Variants in DHX34 observed in about 807,000 individuals in gnomAD.
The protein encoded by DHX34 is DExH-box helicase 34.
A neutral mutation model predicts 111.1 loss-of-function variants in DHX34; 96 were observed. That is an observed-to-expected ratio of 0.86 (90% CI 0.73 to 1.02). The LOEUF is 1.02. Ranked by LOEUF, DHX34 falls within the 50% of genes least tolerant of loss-of-function variation. DHX34 has a pLI of 0.00. For synonymous variants in DHX34, 688 were observed against 670.4 expected, an observed-to-expected ratio of 1.03 and a Z score of -0.41; for missense variants, 1,560 against 1,579.9, an observed-to-expected ratio of 0.99 and a Z score of 0.21.
chr19:47,364,945 C>T (rs989288599), intron 6 of DHX34, among the ~76,000 whole-genome samples: 2 of 152,068 alleles, frequency 1.3e-5, no homozygotes, highest in Non-Finnish European at 2.9e-5. Flanking sequence ...TCCTCCTTTA[C>T]CATCCGGAGG....
At chr19:47,381,123 G>C in intron 15 of DHX34, 63 bp from the exon 16 acceptor site, 2 of 1,601,006 alleles carry the variant, frequency 1.2e-6, no homozygotes, top group South Asian at 1.1e-5. Flanking sequence ...GGGTCCCGGG[G>C]GGGCACTTGG....
In DHX34 at chr19:47,359,955, C is replaced by T. The variant is rs371270542; in HGVS notation, c.1273-13C>T. On this transcript the variant is annotated splice_polypyrimidine_tract_variant and intron_variant, in intron 4 of 16. Coordinates refer to ENST00000328771, the MANE Select transcript of DHX34 (RefSeq NM_014681.6). ...GAGTTAGTTCCTGACACCACCCCCTCCCTTCCTCCCAGGTATTTGATGTGG... is the reference window on the plus strand; with the variant it reads ...GAGTTAGTTCCTGACACCACCCCCTTCCTTCCTCCCAGGTATTTGATGTGG... 1.5e-5 allele frequency: 25 copies of T among 1,613,874 alleles called. No homozygotes were observed. Among genetic ancestry groups the T allele is most frequent in the Non-Finnish European group, 1.8e-5 (21 of 1,179,932 alleles).
rs535049999 is a variant in DHX34, at chr19:47,362,430, C to T, written c.1376-46C>T. The T allele has an allele frequency of 1.7e-5, 25 of 1,470,758 alleles. No individual in the cohort carries two copies. In the East Asian group the frequency reaches 4.3e-4, roughly 25 times the overall value. 91.1% of individuals were successfully genotyped at this position (1,470,758 alleles called of 1,614,324 possible). Reference sequence around the variant, plus strand: ...AGAGCCAGGCGCGTGGCCAGCTGCACGTGGCTGCCACACACAGACTCCCTT... The same window carrying T: ...AGAGCCAGGCGCGTGGCCAGCTGCATGTGGCTGCCACACACAGACTCCCTT... On this transcript the variant is annotated intron_variant, in intron 5 of 16. Transcript: ENST00000328771.
intron 2 of DHX34, 38 bp from the exon 3 acceptor site, chr19:47,355,001 C>T (rs1461035082): frequency 1.6e-5 from 26 of 1,601,386 alleles, no homozygotes; most frequent in Non-Finnish European, 2.2e-5. Context: ...TACCCAGGCT[C>T]AGGGTCCTCT....
rs553380305 is a variant in DHX34, at chr19:47,353,226, C to T, written c.196C>T (p.Arg66Cys). 2.2e-5 allele frequency: 35 copies of T among 1,614,160 alleles called. No individual in the cohort carries two copies. The highest frequency in any genetic ancestry group is 6.7e-5 in the Admixed American group (4 of 60,008). Residue 66 changes from arginine to cysteine, a missense_variant, in exon 2 of 17, where the codon CGC (arginine) becomes TGC (cysteine). Transcript: ENST00000328771. This position sits in a 1 kb window ranked among gnomAD's most constrained non-coding sequence, Gnocchi z 4.6. Reference protein sequence around the residue: ...ECQKFWTFFERLQRFQNLKTS... With the variant: ...ECQKFWTFFECLQRFQNLKTS... ...TCAGAAGTTTTGGACCTTCTTTGAA[C>T]GCCTGCAGAGATTCCAGAATCTCAA...
intron 1 of DHX34, among the ~76,000 whole-genome samples, chr19:47,350,486 A>C (rs1969252457): frequency 6.8e-6 from 1 of 146,774 alleles, no homozygotes; most frequent in African/African-American, 2.6e-5. Context: ...CAGTGGTGCG[A>C]TCTTGGCTCA....
chr19:47,377,062 G>C, intron 12 of DHX34, 38 bp from the exon 13 acceptor site: 1 of 1,612,678 alleles, frequency 6.2e-7, no homozygotes, highest in Non-Finnish European at 8.5e-7. Context: ...GCCTGGGTGG[G>C]CCAGGGTGGG....
At position 47,353,538 on chromosome 19, in the gene DHX34, C is replaced by T. The variant is rs113879151; in HGVS notation, c.508C>T (p.Arg170Cys). Reference sequence around the variant, plus strand: ...CCTCCCCATCGCCCAGTATGGGAACCGCATCCTGCAGACGCTGAAGGAGCA... The same window carrying T: ...CCTCCCCATCGCCCAGTATGGGAACTGCATCCTGCAGACGCTGAAGGAGCA... ...AALPIAQYGN[R>C]ILQTLKEHQV... is the part of the protein sequence containing the mutation. Residue 170 changes from arginine (R) to cysteine (C), a missense_variant, in exon 2 of 17, where the codon CGC becomes TGC. Arg to Cys is a radical substitution (Grantham distance 180). Coordinates refer to ENST00000328771, the MANE Select transcript of DHX34 (RefSeq NM_014681.6). The surrounding 1 kb of genome is among the most constrained non-coding windows in gnomAD (Gnocchi z 4.6). 2,573 of 1,613,510 alleles carry T rather than the reference C, an allele frequency of 1.6e-3. 51 individuals carry two copies. In the African/African-American group the frequency reaches 0.029, roughly 18 times the overall value.
At position 47,382,240 on chromosome 19, in the gene DHX34, C is replaced by T; in HGVS notation, c.*127C>T. ...TGTGGTCCTGTCCCAGTGCAGAGGGCCTGGAGCACGGATTGTGAATAAAGC... is the reference window on the plus strand; with the variant it reads ...TGTGGTCCTGTCCCAGTGCAGAGGGTCTGGAGCACGGATTGTGAATAAAGC... On this transcript the variant is annotated 3_prime_UTR_variant, in exon 17 of 17. Transcript: ENST00000328771. 1 of 1,446,228 alleles carries T rather than the reference C, an allele frequency of 6.9e-7. No homozygotes were observed. Among genetic ancestry groups the T allele is most frequent in the Non-Finnish European group, 9.1e-7 (1 of 1,094,388 alleles). 89.6% of individuals were successfully genotyped at this position (1,446,228 alleles called of 1,614,324 possible).
rs573853079 is a variant in DHX34, at chr19:47,355,053, C to G, written c.720C>G (p.Ile240Met). 6 of 1,613,828 alleles carry G rather than the reference C, an allele frequency of 3.7e-6. No homozygotes were observed. The Middle Eastern group carries it at 4.9e-4, about 133-fold the overall frequency. The change falls in exon 3 of 17, where the codon ATC (isoleucine) becomes ATG (methionine). Residue 240 changes from isoleucine to methionine, a missense_variant. Transcript: ENST00000328771. ...TCCCACCCCAGGTCGGCTACCAGAT[C>G]CGCTTTGAGAGCACACGTTCGGCGG... Reference protein sequence around the residue: ...SQYGSQVGYQIRFESTRSAAT... With the variant: ...SQYGSQVGYQMRFESTRSAAT...
chr19:47,353,085 C>T lies in DHX34; in HGVS notation c.55C>T (p.Pro19Ser). The change falls in exon 2 of 17, where the codon CCC (proline) becomes TCC (serine). Residue 19 changes from proline (P) to serine (S), a missense_variant. Transcript: ENST00000328771. The surrounding 1 kb of genome is among the most constrained non-coding windows in gnomAD (Gnocchi z 4.6). ...GRDRRDHHRA[P>S]SEEEALEKWD... ...GGATCGCCGAGACCACCACCGGGCT[C>T]CCAGCGAGGAAGAGGCCTTGGAGAA... 1 of 1,614,118 alleles carries T rather than the reference C, an allele frequency of 6.2e-7. No individual in the cohort carries two copies. The highest frequency in any genetic ancestry group is 2.2e-5 in the East Asian group (1 of 44,884).
chr19:47,370,696 A>T (rs1969938030), intron 7 of DHX34, among the ~76,000 whole-genome samples: 1 of 151,156 alleles, frequency 6.6e-6, no homozygotes, highest in African/African-American at 2.4e-5. Context: ...ATTTATTTAG[A>T]GATGGAGTTT....
At position 47,353,760 on chromosome 19, in the gene DHX34, G is replaced by C. The variant is rs745863359; in HGVS notation, c.705+25G>C. The C allele has an allele frequency of 6.6e-7, 1 of 1,514,334 alleles. No homozygotes were observed. Among genetic ancestry groups the C allele is most frequent in the African/African-American group, 1.4e-5 (1 of 72,522 alleles). The allele number at this position is 1,514,334 out of a possible 1,614,324, so 93.8% of individuals were successfully genotyped here. ...GGTGAGTGGGACGCACCAGGTTTCC[G>C]ATTTTTCCAGCGTGACCTTGGGGGA... On this transcript the variant is annotated intron_variant, in intron 2 of 16. Transcript: ENST00000328771. The surrounding 1 kb of genome is among the most constrained non-coding windows in gnomAD (Gnocchi z 4.6).
intron 9 of DHX34, 169 bp from the exon 10 acceptor site, chr19:47,375,297 G>A: frequency 1.0e-6 from 1 of 985,464 alleles, no homozygotes; most frequent in Non-Finnish European, 1.2e-6. Flanking sequence ...TGACCAGCGA[G>A]GACAGCTCTC....
Position 47,379,946 on chromosome 19 carries a change from C to T in DHX34, c.2943C>T (p.Ala981=). 6.2e-7 allele frequency: 1 copy of T among 1,600,934 alleles called. No homozygotes were observed. The highest frequency in any genetic ancestry group is 8.6e-7 in the Non-Finnish European group (1 of 1,169,454). Residue 981 remains alanine (A), a synonymous_variant, in exon 14 of 17, where the codon GCC becomes GCT. Transcript: ENST00000328771. ...EDTPVSPKEV[A]TLSKELLQFT... is the part of the protein sequence containing the mutation. Reference sequence around the variant, plus strand: ...CGCCAGTCAGCCCCAAGGAGGTGGCCACCCTGAGCAAGGAACTCCTGCAAT... The same window carrying T: ...CGCCAGTCAGCCCCAAGGAGGTGGCTACCCTGAGCAAGGAACTCCTGCAAT...
chr19:47,365,181 C>A (rs1458427181), intron 6 of DHX34, among the ~76,000 whole-genome samples: 6 of 152,126 alleles, frequency 3.9e-5, no homozygotes, highest in African/African-American at 7.2e-5. Context: ...TTTAAAAAAA[C>A]CCCAGGCCCT....
Position 47,355,122 on chromosome 19 carries a change from A to T in DHX34, c.789A>T (p.Gln263His), listed in dbSNP as rs779936852. The T allele has an allele frequency of 6.2e-7, 1 of 1,613,712 alleles. No homozygotes were observed. The highest frequency in any genetic ancestry group is 8.5e-7 in the Non-Finnish European group (1 of 1,179,954). Reference protein sequence around the residue: ...VFLTVGLLLRQIQREPSLPQY... With the variant: ...VFLTVGLLLRHIQREPSLPQY... ...TGACAGTGGGGCTGCTCCTGCGACA[A>T]ATCCAGCGGGAACCCAGCCTGCCCC... The change falls in exon 3 of 17, where the codon CAA (glutamine) becomes CAT (histidine). Residue 263 changes from glutamine to histidine, a missense_variant. By Grantham distance (24) the Gln-to-His change is conservative. Transcript: ENST00000328771.
In DHX34 at chr19:47,379,800, A is replaced by G. The variant is rs992751612; in HGVS notation, c.2797A>G (p.Ser933Gly). The G allele has an allele frequency of 3.1e-6, 5 of 1,613,740 alleles. No individual in the cohort carries two copies. The highest frequency in any genetic ancestry group is 4.2e-6 in the Non-Finnish European group (5 of 1,179,758). ...CTGGCTGGAGCTGCAGCTAGCAGAC[A>G]GTGAAAGTGCCATCCGACTCCTGGC... ...DGWLELQLAD[S>G]ESAIRLLAAS... The change falls in exon 14 of 17, where the codon AGT becomes GGT. Residue 933 changes from serine (S) to glycine (G), a missense_variant. Ser to Gly is a moderately conservative substitution (Grantham distance 56, BLOSUM62 0). Coordinates refer to ENST00000328771, the MANE Select transcript of DHX34 (RefSeq NM_014681.6).
intron 13 of DHX34, 51 bp downstream of exon 13, chr19:47,377,257 GC>G: frequency 6.4e-7 from 1 of 1,560,274 alleles, no homozygotes. Flanking sequence ...GAGCTGCGTT[GC>G]CCAGGGTGGT....
Sources: gnomAD v4.1 joint callset for allele counts (sites outside exome capture counted in the v4.1 genomes callset) on GRCh38, gnomAD v4.1.1 for gene constraint, Gnocchi (gnomAD v3.1) non-coding constraint, MANE v1.5 for transcripts, NCBI Gene and HGNC (gene_info 2026-07-23, HGNC 2026-07-21) for gene names.